Variants in CCDC91 observed in about 807,000 individuals in gnomAD.
The protein encoded by CCDC91 is coiled-coil domain containing 91, also known as coiled-coil domain-containing protein 91.
CCDC91 carries 48 observed loss-of-function variants against 63.2 expected under a neutral mutation model. The ratio of observed to expected loss-of-function variants is 0.76; its 90% CI spans 0.60 to 0.97. The LOEUF (loss-of-function observed/expected upper bound fraction) is 0.97. Ranked by LOEUF, CCDC91 falls within the 50% of genes least tolerant of loss-of-function variation. The pLI, the probability that CCDC91 is intolerant of heterozygous loss-of-function variation, is 0.00. For missense variants in CCDC91, 500 were observed against 494.6 expected, an observed-to-expected ratio of 1.01 and a Z score of -0.10; for synonymous variants, 167 against 165.8, an observed-to-expected ratio of 1.01 and a Z score of -0.06.
chr12:28,218,456 A>G (rs1943709876), intron 1 of CCDC91, among the ~76,000 whole-genome samples: 1 of 107,958 alleles, frequency 9.3e-6, no homozygotes, highest in African/African-American at 3.3e-5. Flanking sequence ...AAGCTGGAAG[A>G]CAAAATTAAA....
intron 11 of CCDC91, among the ~76,000 whole-genome samples, chr12:28,460,369 T>G (rs143911172): frequency 6.6e-6 from 1 of 152,240 alleles, no homozygotes; most frequent in East Asian, 1.9e-4. Context: ...TTCTGTTACT[T>G]GTGATCAAAA....
intron 8 of CCDC91, among the ~76,000 whole-genome samples, chr12:28,429,803 C>T (rs1343733980): frequency 6.6e-6 from 1 of 151,888 alleles, no homozygotes; most frequent in African/African-American, 2.4e-5. Flanking sequence ...TTTTGACAGA[C>T]TTACACAATT....
chr12:28,362,432 T>A lies in CCDC91; in HGVS notation c.577-6T>A. The stretch of plus-strand genomic sequence containing the variant: ...ACTCATGGTTTTAGTTTCTTTTTTC[T>A]TTCAGGAAAAACATAAACAAGAATT... On this transcript the variant is annotated splice_polypyrimidine_tract_variant and splice_region_variant and intron_variant, in intron 6 of 12. Coordinates refer to ENST00000536442, the MANE Select transcript of CCDC91 (RefSeq NM_018318.5). The A allele has an allele frequency of 6.4e-7, 1 of 1,562,270 alleles. No homozygotes were observed.
intron 12 of CCDC91, among the ~76,000 whole-genome samples, chr12:28,548,223 C>A (rs1229852078): frequency 6.6e-6 from 1 of 151,964 alleles, no homozygotes; most frequent in Non-Finnish European, 1.5e-5. Context: ...TCTACCTTAG[C>A]CAAGGGACAA....
At chr12:28,248,810 T>G (rs1945932216) in intron 1 of CCDC91, among the ~76,000 whole-genome samples, 2 of 152,192 alleles carry the variant, frequency 1.3e-5, no homozygotes, top group Admixed American at 1.3e-4. Flanking sequence ...CTGTAGGGCT[T>G]GGAGCATGTT....
At chr12:28,482,300 T>G (rs981485166) in intron 11 of CCDC91, among the ~76,000 whole-genome samples, 1 of 151,944 alleles carries the variant, frequency 6.6e-6, no homozygotes, top group Non-Finnish European at 1.5e-5. Context: ...GTTTTTCTTT[T>G]ATAAATTGCT....
chr12:28,522,332 T>C (rs1379069603), intron 12 of CCDC91, among the ~76,000 whole-genome samples: 1 of 152,230 alleles, frequency 6.6e-6, no homozygotes, highest in Non-Finnish European at 1.5e-5. Flanking sequence ...TTTATCCTTT[T>C]CTTCTAGATT....
Position 28,491,301 on chromosome 12 carries a change from C to G in CCDC91, c.1215+7136C>G, listed in dbSNP as rs1467338992. On this transcript the variant is annotated intron_variant, in intron 12 of 12. Coordinates refer to ENST00000536442, the MANE Select transcript of CCDC91 (RefSeq NM_018318.5). ...TTTAAAAAACATATATTCACTGATGCAGGAGAATCACTTGAACCCAGGTAG... is the reference window on the plus strand; with the variant it reads ...TTTAAAAAACATATATTCACTGATGGAGGAGAATCACTTGAACCCAGGTAG... Among the ~76,000 whole-genome samples the G allele has an allele frequency of 2.0e-5, 3 of 151,692 alleles. No individual in the cohort carries two copies. In the Admixed American group the frequency reaches 2.0e-4, roughly 10 times the overall value.
chr12:28,237,490 G>A (rs1231559908), intron 1 of CCDC91, among the ~76,000 whole-genome samples: 1 of 152,108 alleles, frequency 6.6e-6, no homozygotes, highest in East Asian at 1.9e-4. Flanking sequence ...ACATACAGCA[G>A]AGAAGACAGT....
chr12:28,196,478 T>A (rs547342645), intron 1 of CCDC91, among the ~76,000 whole-genome samples: 1 of 152,374 alleles, frequency 6.6e-6, no homozygotes, highest in East Asian at 1.9e-4. Flanking sequence ...GGACCTTTGC[T>A]AATGTTAACT....
intron 12 of CCDC91, among the ~76,000 whole-genome samples, chr12:28,538,861 T>C: frequency 6.6e-6 from 1 of 152,228 alleles, no homozygotes; most frequent in Admixed American, 6.5e-5. Context: ...TGGCCAGTGA[T>C]GATGAGCATA....
intron 3 of CCDC91, among the ~76,000 whole-genome samples, chr12:28,263,625 C>T (rs1946976683): frequency 6.6e-6 from 1 of 151,998 alleles, no homozygotes; most frequent in South Asian, 2.1e-4. Flanking sequence ...CTACCTTTGA[C>T]TATTGCAAAT....
chr12:28,227,776 A>AT (rs1053336717), intron 1 of CCDC91, among the ~76,000 whole-genome samples: 2 of 151,914 alleles, frequency 1.3e-5, no homozygotes, highest in African/African-American at 2.4e-5. Flanking sequence ...CCTTATAGCC[A>AT]TTTTTTTCTA....
At chr12:28,250,942 T>G (rs1462196411) in intron 1 of CCDC91, among the ~76,000 whole-genome samples, 1 of 135,526 alleles carries the variant, frequency 7.4e-6, no homozygotes, top group African/African-American at 2.8e-5. Flanking sequence ...TATTTTTAAC[T>G]TTAAGGTTTG....
intron 7 of CCDC91, among the ~76,000 whole-genome samples, chr12:28,363,841 C>G (rs940009589): frequency 7.8e-6 from 1 of 128,304 alleles, no homozygotes; most frequent in African/African-American, 3.0e-5. Flanking sequence ...TGCGCCACTG[C>G]ACTCTAGCCT....
intron 6 of CCDC91, among the ~76,000 whole-genome samples, chr12:28,313,085 C>A (rs1439085476): frequency 6.6e-6 from 1 of 151,904 alleles, no homozygotes; most frequent in African/African-American, 2.4e-5. Flanking sequence ...GACATATTTT[C>A]TGTAGAATAT....
At chr12:28,503,004 A>C (rs1355893458) in intron 12 of CCDC91, among the ~76,000 whole-genome samples, 7 of 152,120 alleles carry the variant, frequency 4.6e-5, no homozygotes, top group Non-Finnish European at 8.8e-5. Context: ...AGGCAATACC[A>C]TTCAGGACAT....
At chr12:28,332,593 T>A (rs1941602261) in intron 6 of CCDC91, among the ~76,000 whole-genome samples, 1 of 152,216 alleles carries the variant, frequency 6.6e-6, no homozygotes, top group Admixed American at 6.5e-5. Flanking sequence ...AAATATGCTC[T>A]ATATTTTGTG....
At chr12:28,357,053 C>T (rs1943573359) in intron 6 of CCDC91, among the ~76,000 whole-genome samples, 1 of 152,042 alleles carries the variant, frequency 6.6e-6, no homozygotes, top group Admixed American at 6.6e-5. Context: ...TGGCAATTGC[C>T]AACAAAAATA....
Sources: allele counts gnomAD v4.1 joint callset (sites outside exome capture counted in the v4.1 genomes callset), GRCh38; gene constraint gnomAD v4.1.1; transcripts MANE v1.5; gene names NCBI Gene and HGNC (gene_info 2026-07-23, HGNC 2026-07-21).